Variants in DPYD observed in about 807,000 individuals in gnomAD.
The protein encoded by DPYD is dihydropyrimidine dehydrogenase.
A neutral mutation model predicts 116.2 loss-of-function variants in DPYD; 109 were observed. That is an observed-to-expected ratio of 0.94 (90% CI 0.80 to 1.10). The LOEUF is 1.10. Among genes scored for constraint, DPYD ranks in the 50% least tolerant of loss-of-function variants. The pLI is 0.00. For synonymous variants in DPYD, 440 were observed against 432.0 expected (o/e 1.02, Z -0.23); for missense variants, 1,302 against 1,254.5 (o/e 1.04, Z -0.57).
At chr1:97,817,791 C>T (rs1303954075) in intron 3 of DPYD, among the ~76,000 whole-genome samples, 2 of 151,996 alleles carry the variant, frequency 1.3e-5, no homozygotes, top group Admixed American at 1.3e-4. Flanking sequence ...ATAGTATATA[C>T]ACAACAGCTT....
chr1:97,641,778 G>C (rs1428968645), intron 8 of DPYD, among the ~76,000 whole-genome samples: 1 of 152,056 alleles, frequency 6.6e-6, no homozygotes, highest in African/African-American at 2.4e-5. Context: ...AGAAATAAAG[G>C]GTATTCAATT....
intron 3 of DPYD, among the ~76,000 whole-genome samples, chr1:97,744,278 A>T (rs929269974): frequency 4.6e-5 from 7 of 152,062 alleles, no homozygotes; most frequent in Non-Finnish European, 8.8e-5. Context: ...CAAAAATATT[A>T]TAGTGAGTAA....
chr1:97,298,734 T>C (rs942977563), intron 18 of DPYD, among the ~76,000 whole-genome samples: 1 of 152,154 alleles, frequency 6.6e-6, no homozygotes, highest in East Asian at 1.9e-4. Flanking sequence ...ATAGAGATGG[T>C]GAGGAATCTC....
intron 13 of DPYD, among the ~76,000 whole-genome samples, chr1:97,482,286 T>C (rs1044455893): frequency 6.6e-6 from 1 of 152,240 alleles, no homozygotes; most frequent in African/African-American, 2.4e-5. Flanking sequence ...GTTATCCATC[T>C]GAACACATAT....
At chr1:97,717,692 T>C (rs992202566) in intron 5 of DPYD, among the ~76,000 whole-genome samples, 4 of 152,068 alleles carry the variant, frequency 2.6e-5, no homozygotes, top group African/African-American at 7.2e-5. Flanking sequence ...TGAGAACATA[T>C]GATGTTTGGC....
intron 16 of DPYD, among the ~76,000 whole-genome samples, chr1:97,336,958 C>T (rs1044527679): frequency 2.6e-5 from 4 of 152,020 alleles, no homozygotes; most frequent in Admixed American, 6.6e-5. Flanking sequence ...CTGTGCAGTA[C>T]ATGAAAAGGG....
intron 21 of DPYD, among the ~76,000 whole-genome samples, chr1:97,084,758 A>T (rs925684980): frequency 6.6e-6 from 1 of 152,146 alleles, no homozygotes; most frequent in Non-Finnish European, 1.5e-5. Flanking sequence ...CTCATTTGTT[A>T]TTCTGTATTT....
At chr1:97,575,199 T>G (rs1653187111) in intron 10 of DPYD, among the ~76,000 whole-genome samples, 1 of 152,176 alleles carries the variant, frequency 6.6e-6, no homozygotes, top group Non-Finnish European at 1.5e-5. Flanking sequence ...TGTTAACCAC[T>G]GTCTTTATTA....
intron 20 of DPYD, among the ~76,000 whole-genome samples, chr1:97,160,170 C>A (rs1002185371): frequency 1.4e-4 from 22 of 151,936 alleles, no homozygotes; most frequent in African/African-American, 4.4e-4. Flanking sequence ...GTGGGCCTTC[C>A]AAGATAATTT....
rs147052412 is a variant in DPYD, at chr1:97,234,758, C to T, written c.2442+94G>A. 42 of 1,517,598 alleles carry T rather than the reference C, an allele frequency of 2.8e-5. No individual in the cohort carries two copies. The South Asian group carries it at 4.5e-4, about 16-fold the overall frequency. The allele number at this position is 1,517,598 out of a possible 1,614,324, so 94.0% of individuals were successfully genotyped here. ...CCCAAATGGCCTCCTTTTCAAGAGG[C>T]CCAAAAACGAATCTATTTTTTTTTT... On this transcript the variant is annotated intron_variant, in intron 19 of 22. Coordinates refer to ENST00000370192, the MANE Select transcript of DPYD (RefSeq NM_000110.4).
intron 14 of DPYD, among the ~76,000 whole-genome samples, chr1:97,415,584 A>T (rs1035911789): frequency 2.6e-5 from 4 of 152,168 alleles, no homozygotes; most frequent in Non-Finnish European, 4.4e-5. Flanking sequence ...GGTCTCCCAA[A>T]GTGCTGGGAC....
intron 18 of DPYD, among the ~76,000 whole-genome samples, chr1:97,288,458 T>G (rs1432825702): frequency 6.6e-6 from 1 of 151,848 alleles, no homozygotes; most frequent in African/African-American, 2.4e-5. Context: ...TCAGCAAATG[T>G]AAAAGAACAG....
At chr1:97,566,006 C>T (rs1417011295) in intron 11 of DPYD, among the ~76,000 whole-genome samples, 1 of 152,108 alleles carries the variant, frequency 6.6e-6, no homozygotes, top group Non-Finnish European at 1.5e-5. Context: ...ACTATTTAAT[C>T]TAACAGTGCG....
intron 20 of DPYD, among the ~76,000 whole-genome samples, chr1:97,133,448 A>C (rs941152660): frequency 6.6e-6 from 1 of 152,042 alleles, no homozygotes; most frequent in African/African-American, 2.4e-5. Context: ...TTGCTTTTAA[A>C]AATTGATTAC....
chr1:97,504,291 G>T (rs1679760626), intron 13 of DPYD, among the ~76,000 whole-genome samples: 1 of 151,952 alleles, frequency 6.6e-6, no homozygotes, highest in Non-Finnish European at 1.5e-5. Flanking sequence ...GGTGTGAGTT[G>T]TCTGTTGCTA....
At chr1:97,231,419 A>G (rs1661581025) in intron 19 of DPYD, among the ~76,000 whole-genome samples, 1 of 152,198 alleles carries the variant, frequency 6.6e-6, no homozygotes, top group Non-Finnish European at 1.5e-5. Flanking sequence ...ACAGTTCCAC[A>G]TGGCTGGGGA....
intron 1 of DPYD, among the ~76,000 whole-genome samples, chr1:97,910,374 G>A (rs919933529): frequency 2.0e-5 from 3 of 151,980 alleles, no homozygotes; most frequent in Admixed American, 2.0e-4. Context: ...ATAACATATT[G>A]TCAAAGAGAT....
intron 18 of DPYD, among the ~76,000 whole-genome samples, chr1:97,267,534 G>A (rs1025994371): frequency 2.6e-5 from 4 of 152,256 alleles, no homozygotes; most frequent in African/African-American, 9.6e-5. Flanking sequence ...CACGGTGGAA[G>A]GCAGAATGGC....
intron 13 of DPYD, among the ~76,000 whole-genome samples, chr1:97,458,175 G>A (rs967780858): frequency 1.3e-5 from 2 of 152,062 alleles, no homozygotes; most frequent in Admixed American, 6.6e-5. Flanking sequence ...TCAAGTATTA[G>A]AGCAGAATTT....
Sources: allele counts gnomAD v4.1 joint callset (sites outside exome capture counted in the v4.1 genomes callset), GRCh38; gene constraint gnomAD v4.1.1; transcripts MANE v1.5; gene names NCBI Gene and HGNC (gene_info 2026-07-23, HGNC 2026-07-21).